The following CCNY variants were observed in gnomAD, a reference collection of about 807,000 sequenced individuals.
CCNY encodes the protein cyclin Y, also known as cyclin-Y.
A neutral mutation model predicts 42.8 loss-of-function variants in CCNY; 19 were observed. The ratio of observed to expected loss-of-function variants is 0.44; its 90% CI spans 0.31 to 0.65. CCNY has a LOEUF of 0.65. CCNY is among the 30% of genes least tolerant of loss of function. The pLI, the probability that CCNY is intolerant of heterozygous loss-of-function variation, is 0.07. For missense variants in CCNY, 370 were observed against 437.3 expected (o/e 0.85, Z 1.37); for synonymous variants, 165 against 162.7 (o/e 1.01, Z -0.11).
At chr10:35,514,091 A>AAAAC (rs1554796962) in intron 3 of CCNY, among the ~76,000 whole-genome samples, 2 of 151,446 alleles carry the variant, frequency 1.3e-5, no homozygotes, top group Non-Finnish European at 2.9e-5. Context: ...AAAAAAAAAA[A>AAAAC]AAAAAACAGA....
chr10:35,408,341 G>A (rs1219119026), intron 1 of CCNY, among the ~76,000 whole-genome samples: 1 of 152,202 alleles, frequency 6.6e-6, no homozygotes, highest in East Asian at 1.9e-4. Flanking sequence ...CTTTGTGTGA[G>A]CAACAAGGCT....
intron 7 of CCNY, among the ~76,000 whole-genome samples, chr10:35,541,999 T>C (rs1000270045): frequency 3.3e-5 from 5 of 150,640 alleles, no homozygotes; most frequent in Non-Finnish European, 1.5e-5. Context: ...TTGTATCTAG[T>C]GGTCATTACC....
chr10:35,293,694 C>G lies in CCNY; in HGVS notation c.-9+43068C>G, dbSNP rs568090908. On this transcript the variant is annotated intron_variant, in intron 3 of 11. Coordinates refer to the CCNY transcript ENST00000374706. ...GTTTTGCACTTTGTTAAATTTATTC[C>G]TTAGTATCACTTTTTCTTGAGCTAT... Among the ~76,000 whole-genome samples the G allele has an allele frequency of 8.6e-5, 13 of 151,870 alleles. No individual in the cohort carries two copies. In the South Asian group the frequency reaches 2.7e-3, roughly 32 times the overall value.
chr10:35,395,249 T>TC (rs1465920244), intron 1 of CCNY, among the ~76,000 whole-genome samples: 10 of 152,114 alleles, frequency 6.6e-5, no homozygotes, highest in African/African-American at 2.4e-4. Flanking sequence ...TATGTGTTGT[T>TC]CCATTGTTAG....
Position 35,439,493 on chromosome 10 carries a change from C to T in CCNY, c.155-43911C>T, listed in dbSNP as rs531615383. Among the ~76,000 whole-genome samples the T allele has an allele frequency of 5.7e-4, 87 of 151,832 alleles. No homozygotes were observed. The South Asian group carries it at 0.017, about 30-fold the overall frequency. ...TTATAGTTTTTATTTGTTTGCTGAG[C>T]TGAGCCTCTTTTTCTTTGCTGCCTC... On this transcript the variant is annotated intron_variant, in intron 1 of 9. Coordinates refer to ENST00000374704, the MANE Select transcript of CCNY (RefSeq NM_145012.6).
At chr10:35,322,353 CAAAAA>C (rs34956470) in intron 3 of CCNY, among the ~76,000 whole-genome samples, 1 of 101,758 alleles carries the variant, frequency 9.8e-6, no homozygotes. Flanking sequence ...GACTCTGTCT[CAAAAA>C]AAAAAAAAAA....
At chr10:35,325,307 T>C (rs1835866154) in intron 3 of CCNY, among the ~76,000 whole-genome samples, 1 of 151,970 alleles carries the variant, frequency 6.6e-6, no homozygotes, top group Non-Finnish European at 1.5e-5. Flanking sequence ...GCCTCCTGAG[T>C]AGCTGGGACT....
At chr10:35,431,346 C>T (rs112204206) in intron 1 of CCNY, among the ~76,000 whole-genome samples, 1 of 43,192 alleles carries the variant, frequency 2.3e-5, no homozygotes, top group African/African-American at 1.1e-4. Context: ...CTCCTCCCCC[C>T]ACATCTTCCC....
intron 3 of CCNY, among the ~76,000 whole-genome samples, chr10:35,322,126 C>T (rs753256161): frequency 9.9e-5 from 15 of 152,110 alleles, no homozygotes; most frequent in African/African-American, 2.2e-4. Context: ...GAGAACGAAG[C>T]GGGTGGATCA....
chr10:35,430,761 A>G (rs1027178065), intron 1 of CCNY, among the ~76,000 whole-genome samples: 1 of 152,228 alleles, frequency 6.6e-6, no homozygotes, highest in Non-Finnish European at 1.5e-5. Context: ...GTAGGTGGGC[A>G]TAATTTTATG....
intron 9 of CCNY, among the ~76,000 whole-genome samples, chr10:35,568,129 T>C (rs1036965756): frequency 2.0e-5 from 3 of 152,196 alleles, no homozygotes; most frequent in Non-Finnish European, 4.4e-5. Flanking sequence ...GTGAGTCTTG[T>C]GTTCTCTGCT....
intron 7 of CCNY, among the ~76,000 whole-genome samples, chr10:35,551,426 ATAT>A (rs1459617127): frequency 4.4e-4 from 67 of 152,344 alleles, no homozygotes; most frequent in African/African-American, 1.5e-3. Context: ...GCGTTTTGTA[ATAT>A]TTAAGACTTT....
At chr10:35,553,735 G>A (rs1037709406) in intron 8 of CCNY, among the ~76,000 whole-genome samples, 4 of 152,146 alleles carry the variant, frequency 2.6e-5, no homozygotes, top group African/African-American at 9.7e-5. Context: ...AGGGCTCGGG[G>A]AGGGCATCGC....
At chr10:35,512,200 G>C (rs1390567202) in intron 3 of CCNY, among the ~76,000 whole-genome samples, 1 of 152,190 alleles carries the variant, frequency 6.6e-6, no homozygotes, top group Non-Finnish European at 1.5e-5. Flanking sequence ...CATTACAGTT[G>C]ATTAGAGGAA....
At chr10:35,306,929 C>T (rs1032180773) in intron 3 of CCNY, among the ~76,000 whole-genome samples, 1 of 151,864 alleles carries the variant, frequency 6.6e-6, no homozygotes, top group African/African-American at 2.4e-5. Context: ...TAGAAAAGCA[C>T]GTGTAGCTGC....
At chr10:35,295,704 A>T (rs888703259) in intron 3 of CCNY, among the ~76,000 whole-genome samples, 1 of 152,024 alleles carries the variant, frequency 6.6e-6, no homozygotes, top group Non-Finnish European at 1.5e-5. Flanking sequence ...AGTTCTCTTA[A>T]TCTTTTCAAA....
At chr10:35,267,311 G>GAAA (rs35490407) in intron 3 of CCNY, among the ~76,000 whole-genome samples, 7 of 132,380 alleles carry the variant, frequency 5.3e-5, no homozygotes, top group African/African-American at 8.5e-5. Context: ...CCATCACTTA[G>GAAA]AAAAAAAAAA....
intron 3 of CCNY, among the ~76,000 whole-genome samples, chr10:35,270,000 T>C (rs892136960): frequency 6.6e-6 from 1 of 152,196 alleles, no homozygotes; most frequent in African/African-American, 2.4e-5. Context: ...TTTGAACATA[T>C]GACCTTTCTT....
At chr10:35,418,732 G>T (rs1838082178) in intron 1 of CCNY, among the ~76,000 whole-genome samples, 1 of 152,188 alleles carries the variant, frequency 6.6e-6, no homozygotes, top group South Asian at 2.1e-4. Flanking sequence ...TGCCTGGTAT[G>T]AACCCTGGCC....
Sources: allele counts gnomAD v4.1 joint callset (sites outside exome capture counted in the v4.1 genomes callset), GRCh38; gene constraint gnomAD v4.1.1; transcripts MANE v1.5; gene names NCBI Gene and HGNC (gene_info 2026-07-23, HGNC 2026-07-21).